The following EEFSEC variants were observed in gnomAD, a reference collection of about 807,000 sequenced individuals.
The protein encoded by EEFSEC is eukaryotic elongation factor, selenocysteine-tRNA specific.
A neutral mutation model predicts 42.1 loss-of-function variants in EEFSEC; 43 were observed. That is an observed-to-expected ratio of 1.02 (90% CI 0.80 to 1.32). EEFSEC has a LOEUF of 1.32. Among genes scored for constraint, EEFSEC ranks in the 40% most tolerant of loss-of-function variants. The probability of loss-of-function intolerance (pLI) is 0.00; values close to 1 mark genes in which losing one functional copy is unlikely to be tolerated. For synonymous variants in EEFSEC, 354 were observed against 339.1 expected (o/e 1.04, Z -0.48); for missense variants, 745 against 803.6 (o/e 0.93, Z 0.88).
intron 4 of EEFSEC, among the ~76,000 whole-genome samples, chr3:128,279,153 G>A (rs575858043): frequency 7.2e-5 from 11 of 152,326 alleles, no homozygotes; most frequent in East Asian, 3.9e-4. Context: ...CGGCGGCGGC[G>A]TTGGGCAGTG....
At chr3:128,291,954 CTTTCTG>C (rs943423124) in intron 4 of EEFSEC, among the ~76,000 whole-genome samples, 1 of 152,074 alleles carries the variant, frequency 6.6e-6, no homozygotes, top group Non-Finnish European at 1.5e-5. Flanking sequence ...CAAGAAGTTC[CTTTCTG>C]TTTCTGATTT....
intron 6 of EEFSEC, among the ~76,000 whole-genome samples, chr3:128,407,158 G>A (rs1576712228): frequency 6.6e-6 from 1 of 152,154 alleles, no homozygotes; most frequent in East Asian, 1.9e-4. Context: ...GTGGGTGCGT[G>A]TCGGGGCATC....
the EEFSEC span, among the ~76,000 whole-genome samples, chr3:128,423,619 G>A: frequency 1.3e-5 from 2 of 152,348 alleles, no homozygotes; most frequent in African/African-American, 4.8e-5. Context: ...TATGTGAAAT[G>A]TCCAGAAGAG....
intron 2 of EEFSEC, among the ~76,000 whole-genome samples, chr3:128,255,572 G>A (rs1206902520): frequency 2.6e-5 from 4 of 152,202 alleles, no homozygotes; most frequent in South Asian, 2.1e-4. Flanking sequence ...TGCACGTTCC[G>A]TGGAGACTGG....
At chr3:128,363,072 AG>A (rs1434848342) in intron 6 of EEFSEC, among the ~76,000 whole-genome samples, 1 of 152,184 alleles carries the variant, frequency 6.6e-6, no homozygotes, top group African/African-American at 2.4e-5. Flanking sequence ...ACTCAGGAGG[AG>A]GAGAAACAGC....
intron 6 of EEFSEC, among the ~76,000 whole-genome samples, chr3:128,390,572 TACAG>T (rs1265919438): frequency 6.6e-6 from 1 of 152,228 alleles, no homozygotes; most frequent in Non-Finnish European, 1.5e-5. Context: ...TGCTGTTCTC[TACAG>T]ACAGTCATGC....
At chr3:128,312,276 C>G (rs1206902916) in intron 4 of EEFSEC, among the ~76,000 whole-genome samples, 1 of 152,226 alleles carries the variant, frequency 6.6e-6, no homozygotes, top group East Asian at 1.9e-4. Context: ...GATGAGAGAA[C>G]CAGAGCTCCT....
intron 1 of EEFSEC, among the ~76,000 whole-genome samples, chr3:128,207,477 A>T (rs2065709987): frequency 6.6e-6 from 1 of 151,722 alleles, no homozygotes; most frequent in South Asian, 2.1e-4. Context: ...TGGGTCGCTA[A>T]GGTGAGGATC....
chr3:128,229,181 T>G (rs1481991517), intron 1 of EEFSEC, among the ~76,000 whole-genome samples: 3 of 152,320 alleles, frequency 2.0e-5, no homozygotes, highest in South Asian at 4.1e-4. Context: ...TAGGCCCTGT[T>G]TTTACACAGC....
chr3:128,272,515 A>G (rs2066424882), intron 4 of EEFSEC, among the ~76,000 whole-genome samples: 1 of 152,186 alleles, frequency 6.6e-6, no homozygotes, highest in Non-Finnish European at 1.5e-5. Flanking sequence ...GTTGCCCAGA[A>G]GCAGAGCCTG....
At chr3:128,351,940 A>T (rs561474133) in intron 5 of EEFSEC, among the ~76,000 whole-genome samples, 23 of 152,376 alleles carry the variant, frequency 1.5e-4, no homozygotes, top group African/African-American at 5.5e-4. Context: ...CCTATTGAGC[A>T]GATCCCACAT....
chr3:128,266,365 C>G (rs1559893641), intron 4 of EEFSEC, among the ~76,000 whole-genome samples: 1 of 151,998 alleles, frequency 6.6e-6, no homozygotes. Context: ...CCATGTCTTG[C>G]GTGTGCCATC....
intron 4 of EEFSEC, among the ~76,000 whole-genome samples, chr3:128,299,475 T>C (rs2066743460): frequency 6.6e-6 from 1 of 152,234 alleles, no homozygotes; most frequent in Non-Finnish European, 1.5e-5. Context: ...TTATACAGTC[T>C]GGTTATTAAT....
intron 1 of EEFSEC, among the ~76,000 whole-genome samples, chr3:128,166,026 C>T: frequency 6.6e-6 from 1 of 152,170 alleles, no homozygotes; most frequent in East Asian, 1.9e-4. Context: ...GTGTTCTCAG[C>T]ATTCTCTATT....
intron 4 of EEFSEC, among the ~76,000 whole-genome samples, chr3:128,283,874 C>T (rs563464024): frequency 3.9e-5 from 6 of 152,280 alleles, no homozygotes; most frequent in African/African-American, 1.4e-4. Context: ...AGCACCCGCC[C>T]AAATGGGAGA....
intron 1 of EEFSEC, among the ~76,000 whole-genome samples, chr3:128,228,889 A>T (rs952255991): frequency 2.0e-5 from 3 of 152,194 alleles, no homozygotes; most frequent in African/African-American, 7.2e-5. Context: ...ACCTATAAAA[A>T]CAGTGCTCAT....
chr3:128,287,726 T>C (rs935288072), intron 4 of EEFSEC, among the ~76,000 whole-genome samples: 2 of 152,232 alleles, frequency 1.3e-5, no homozygotes, highest in African/African-American at 4.8e-5. Flanking sequence ...CTACAGCATT[T>C]ATCTTTAACT....
chr3:128,168,652 C>A (rs1299198230), intron 1 of EEFSEC, among the ~76,000 whole-genome samples: 2 of 152,216 alleles, frequency 1.3e-5, no homozygotes, highest in Admixed American at 1.3e-4. Context: ...CCAAGACACC[C>A]ATAAATGTGA....
At chr3:128,419,963 A>T in the EEFSEC span, among the ~76,000 whole-genome samples, 2 of 152,098 alleles carry the variant, frequency 1.3e-5, no homozygotes, top group Admixed American at 6.6e-5. Flanking sequence ...GGGAGGGGGG[A>T]CAGCCAAGAC....
Sources: gnomAD v4.1 joint callset for allele counts (sites outside exome capture counted in the v4.1 genomes callset) on GRCh38, gnomAD v4.1.1 for gene constraint, MANE v1.5 for transcripts, NCBI Gene and HGNC (gene_info 2026-07-23, HGNC 2026-07-21) for gene names.